Variants in PCDHA8 observed in about 807,000 individuals in gnomAD.
The protein encoded by PCDHA8 is protocadherin alpha-8.
Under a neutral mutation model 61.8 loss-of-function variants are expected in PCDHA8, and 53 were observed. That is an observed-to-expected ratio of 0.86 (90% CI 0.69 to 1.08). PCDHA8 has a LOEUF of 1.08. Among genes scored for constraint, PCDHA8 ranks in the 50% least tolerant of loss-of-function variants. The pLI, the probability that PCDHA8 is intolerant of heterozygous loss-of-function variation, is 0.00. For missense variants in PCDHA8, 1,293 were observed against 1,245.0 expected (o/e 1.04, Z -0.58); for synonymous variants, 618 against 556.6 (o/e 1.11, Z -1.55).
intron 1 of PCDHA8, chr5:140,870,475 G>A (rs1554164304): frequency 1.2e-6 from 2 of 1,614,096 alleles, no homozygotes; most frequent in Admixed American, 1.7e-5. Context: ...CGCACAGCCC[G>A]AGTACACCGT....
At chr5:141,005,826 A>T (rs1283643370) in intron 3 of PCDHA8, among the ~76,000 whole-genome samples, 4 of 151,340 alleles carry the variant, frequency 2.6e-5, no homozygotes, top group Admixed American at 6.6e-5. Flanking sequence ...GGTGGCCTGT[A>T]GTCCCAGCCA....
chr5:140,900,634 A>G (rs918199903), intron 1 of PCDHA8, among the ~76,000 whole-genome samples: 7 of 152,152 alleles, frequency 4.6e-5, no homozygotes, highest in Non-Finnish European at 1.0e-4. Flanking sequence ...AATCTTGGCT[A>G]TTGTGAACAC....
In PCDHA8 at chr5:141,010,583, G is replaced by A. The variant is rs1186884021; in HGVS notation, c.*646G>A. The A allele has an allele frequency of 4.1e-5, 10 of 242,992 alleles. No individual in the cohort carries two copies. The highest frequency in any genetic ancestry group is 3.6e-4 in the Admixed American group (7 of 19,606). 15.1% of individuals were successfully genotyped at this position (242,992 alleles called of 1,614,324 possible). A position where few individuals can be genotyped will look rare whatever the true frequency, so the allele number is the denominator to read the frequency against. The stretch of plus-strand genomic sequence containing the variant: ...TGACAAGGCTTTAGGAGACCCTAAA[G>A]TCTGTTGGCTGTGACGTCATTATAC... On this transcript the variant is annotated 3_prime_UTR_variant, in exon 4 of 4. Coordinates refer to ENST00000531613, the MANE Select transcript of PCDHA8 (RefSeq NM_018911.3).
chr5:140,869,502 C>T lies in PCDHA8; in HGVS notation c.2394+25787C>T, dbSNP rs2051182557. 3 of 1,614,090 alleles carry T rather than the reference C, an allele frequency of 1.9e-6. No homozygotes were observed. In the African/African-American group the frequency reaches 4.0e-5, roughly 22 times the overall value. On this transcript the variant is annotated intron_variant, in intron 1 of 3. Transcript: ENST00000531613. Reference sequence around the variant, plus strand: ...ACATTAACGACAACCCGCCGGTGTTCTCGCTCAGAGAACAAAAGCTGCTGA... The same window carrying T: ...ACATTAACGACAACCCGCCGGTGTTTTCGCTCAGAGAACAAAAGCTGCTGA...
At chr5:140,851,190 G>T in intron 1 of PCDHA8, 1 of 1,221,164 alleles carries the variant, frequency 8.2e-7, no homozygotes, top group Non-Finnish European at 1.1e-6. Flanking sequence ...AACCAATTTA[G>T]TTGTTAGTCA....
chr5:140,916,161 GC>G (rs2077457967), intron 1 of PCDHA8, among the ~76,000 whole-genome samples: 1 of 152,084 alleles, frequency 6.6e-6, no homozygotes, highest in African/African-American at 2.4e-5. Flanking sequence ...GGTGAATGCT[GC>G]CAGGCCTGGG....
At chr5:140,958,294 A>G (rs1324756311) in intron 1 of PCDHA8, among the ~76,000 whole-genome samples, 1 of 152,142 alleles carries the variant, frequency 6.6e-6, no homozygotes, top group African/African-American at 2.4e-5. Context: ...ATATTATTGA[A>G]CTTAATTAAA....
intron 3 of PCDHA8, among the ~76,000 whole-genome samples, chr5:140,984,412 A>G (rs1189115390): frequency 5.9e-5 from 9 of 152,184 alleles, no homozygotes; most frequent in African/African-American, 2.2e-4. Flanking sequence ...TATCTTTTTT[A>G]CAGAGATAGA....
intron 1 of PCDHA8, chr5:140,854,192 T>C: frequency 3.9e-6 from 2 of 506,570 alleles, no homozygotes; most frequent in Non-Finnish European, 5.1e-6. Flanking sequence ...GTTTAACTAC[T>C]CCCTACTTTT....
At chr5:140,936,640 C>T (rs782162757) in intron 1 of PCDHA8, among the ~76,000 whole-genome samples, 2 of 152,208 alleles carry the variant, frequency 1.3e-5, no homozygotes, top group Non-Finnish European at 2.9e-5. Flanking sequence ...TCATAAGCAA[C>T]GTGACTTTAT....
At position 141,011,477 on chromosome 5, in the gene PCDHA8, T is replaced by C. The variant is rs1256394490; in HGVS notation, c.*1540T>C. 2 of 153,818 alleles carry C rather than the reference T, an allele frequency of 1.3e-5. No homozygotes were observed. Among genetic ancestry groups the C allele is most frequent in the Non-Finnish European group, 2.9e-5 (2 of 68,052 alleles). The allele number at this position is 153,818 out of a possible 1,614,324, so 9.5% of individuals were successfully genotyped here. ...TTTATTGTTGAATGTAATTCCATTA[T>C]ATTTCCTTTTGTACACCTGTGAAAA... On this transcript the variant is annotated 3_prime_UTR_variant, in exon 4 of 4. Transcript: ENST00000531613.
rs2040583064 is a variant in PCDHA8, at chr5:140,848,750, T to A, written c.2394+5035T>A. ...TAAATCTGCAGAATGGCATTTTGTT[T>A]GTGAATTCTCGGATCGACCGCGAGG... is the stretch of plus-strand genomic sequence containing the variant. On this transcript the variant is annotated intron_variant, in intron 1 of 3. Coordinates refer to ENST00000531613, the MANE Select transcript of PCDHA8 (RefSeq NM_018911.3). 5 of 1,593,288 alleles carry A rather than the reference T, an allele frequency of 3.1e-6. 1 individual carries two copies. The highest frequency in any genetic ancestry group is 4.3e-6 in the Non-Finnish European group (5 of 1,163,954).
At chr5:140,980,094 TA>T (rs1554241421) in intron 2 of PCDHA8, among the ~76,000 whole-genome samples, 1 of 152,218 alleles carries the variant, frequency 6.6e-6, no homozygotes, top group African/African-American at 2.4e-5. Context: ...GTTGGCTTGG[TA>T]AGATGTCACA....
At chr5:140,935,104 A>C (rs1233919640) in intron 1 of PCDHA8, among the ~76,000 whole-genome samples, 1 of 152,126 alleles carries the variant, frequency 6.6e-6, no homozygotes, top group South Asian at 2.1e-4. Flanking sequence ...GCCATTTTTC[A>C]AAGAGCTTTC....
intron 1 of PCDHA8, among the ~76,000 whole-genome samples, chr5:140,976,116 A>G (rs781948908): frequency 1.2e-4 from 18 of 152,224 alleles, no homozygotes; most frequent in Non-Finnish European, 2.6e-4. Flanking sequence ...AATTTTTCCA[A>G]GTTTAATCAA....
At chr5:140,972,453 G>A (rs2096536665) in intron 1 of PCDHA8, among the ~76,000 whole-genome samples, 3 of 151,360 alleles carry the variant, frequency 2.0e-5, no homozygotes, top group South Asian at 2.1e-4. Context: ...TTTTTCTCTT[G>A]TTGCTTATTA....
Position 140,842,893 on chromosome 5 carries a change from C to T in PCDHA8, c.1572C>T (p.Asp524=). The T allele has an allele frequency of 6.3e-7, 1 of 1,594,312 alleles. No homozygotes were observed. Among genetic ancestry groups the T allele is most frequent in the Non-Finnish European group, 8.6e-7 (1 of 1,165,440 alleles). ...SGKVYALQPL[D]HEELELLQFQ... is the part of the protein sequence containing the mutation. ...AGGTGTACGCGCTGCAGCCGCTGGA[C>T]CACGAGGAGCTAGAGCTGCTGCAGT... The change falls in exon 1 of 4, where the codon GAC becomes GAT. Residue 524 remains aspartate (D), a synonymous_variant. Coordinates refer to ENST00000531613, the MANE Select transcript of PCDHA8 (RefSeq NM_018911.3).
chr5:140,849,973 C>G, intron 1 of PCDHA8: 1 of 1,597,728 alleles, frequency 6.3e-7, no homozygotes, highest in Non-Finnish European at 8.6e-7. Context: ...GTGTCCTACT[C>G]GCTGGTGGAG....
chr5:140,846,589 T>G (rs1780576072), intron 1 of PCDHA8, among the ~76,000 whole-genome samples: 1 of 148,848 alleles, frequency 6.7e-6, no homozygotes, highest in Non-Finnish European at 1.5e-5. Context: ...TTAGCCAGGA[T>G]GGTCTCGATC....
Sources: gnomAD v4.1 joint callset for allele counts (sites outside exome capture counted in the v4.1 genomes callset) on GRCh38, gnomAD v4.1.1 for gene constraint, MANE v1.5 for transcripts, NCBI Gene and HGNC (gene_info 2026-07-23, HGNC 2026-07-21) for gene names.